The following CACNA2D3 variants were observed in gnomAD, a reference collection of about 807,000 sequenced individuals.
CACNA2D3 encodes voltage-dependent calcium channel subunit alpha-2/delta-3.
Under a neutral mutation model 160.6 loss-of-function variants are expected in CACNA2D3, and 60 were observed. The ratio of observed to expected loss-of-function variants is 0.37; its 90% CI spans 0.30 to 0.46. CACNA2D3 has a LOEUF of 0.46. CACNA2D3 is among the 20% of genes least tolerant of loss of function. The pLI, the probability that CACNA2D3 is intolerant of heterozygous loss-of-function variation, is 1.00. For missense variants in CACNA2D3, 1,205 were observed against 1,365.0 expected, an observed-to-expected ratio of 0.88 and a Z score of 1.85; for synonymous variants, 558 against 492.9, an observed-to-expected ratio of 1.13 and a Z score of -1.75.
chr3:54,430,472 A>C lies in CACNA2D3; in HGVS notation c.381+43698A>C, dbSNP rs542175516. On this transcript the variant is annotated intron_variant, in intron 4 of 37. Transcript: ENST00000474759. ...TTGTGATTTATAACTCTTTGTCTCC[A>C]GAACTGACAGTTGGAATTTATACCA... 1.1e-4 allele frequency among the ~76,000 whole-genome samples: 16 copies of C among 152,318 alleles called. No homozygotes were observed. In the South Asian group the frequency reaches 3.1e-3, roughly 30 times the overall value.
At chr3:54,276,836 G>A (rs1702752999) in intron 2 of CACNA2D3, among the ~76,000 whole-genome samples, 1 of 152,156 alleles carries the variant, frequency 6.6e-6, no homozygotes, top group African/African-American at 2.4e-5. Flanking sequence ...CCATCTCTAG[G>A]CTAGAGCTAC....
intron 2 of CACNA2D3, among the ~76,000 whole-genome samples, chr3:54,303,760 G>A (rs1176373677): frequency 6.6e-6 from 1 of 151,160 alleles, no homozygotes; most frequent in Non-Finnish European, 1.5e-5. Flanking sequence ...TATCTTGATC[G>A]ATTAGAAGAT....
Position 54,872,811 on chromosome 3 carries a change from C to T in CACNA2D3, c.1710+1189C>T, listed in dbSNP as rs150304234. ...CATTTGATAAAAGCTCCTTCCTCCT[C>T]CATACCCTTTTCCCCGCAAGCCAAT... On this transcript the variant is annotated intron_variant, in intron 18 of 37. Transcript: ENST00000474759. 4.9e-3 allele frequency among the ~76,000 whole-genome samples: 748 copies of T among 152,332 alleles called. 6 individuals carry two copies. The highest frequency in any genetic ancestry group is 0.017 in the African/African-American group (716 of 41,584).
At chr3:54,777,955 T>TGACAATTCTAAATGAATCTAA (rs1702455131) in intron 13 of CACNA2D3, among the ~76,000 whole-genome samples, 1 of 152,232 alleles carries the variant, frequency 6.6e-6, no homozygotes, top group Non-Finnish European at 1.5e-5. Context: ...ACTAATAAGT[T>TGACAATTCTAAATGAATCTAA]AGAGAATCTA....
intron 2 of CACNA2D3, among the ~76,000 whole-genome samples, chr3:54,137,764 C>CT (rs1699844928): frequency 6.7e-6 from 1 of 149,442 alleles, no homozygotes; most frequent in African/African-American, 2.4e-5. Context: ...CTGTTGTACT[C>CT]TATTCTACAC....
chr3:55,039,098 C>T (rs1703900596), intron 35 of CACNA2D3, among the ~76,000 whole-genome samples: 1 of 151,496 alleles, frequency 6.6e-6, no homozygotes, highest in South Asian at 2.1e-4. Context: ...TGTTGGCTAC[C>T]CTGAAAGATC....
chr3:54,850,509 T>G (rs976542728), intron 17 of CACNA2D3, among the ~76,000 whole-genome samples: 1 of 152,346 alleles, frequency 6.6e-6, no homozygotes. Context: ...TTAGGAATTT[T>G]TCTTAGAATG....
chr3:54,789,823 C>G (rs750168010), intron 13 of CACNA2D3: 2 of 514,312 alleles, frequency 3.9e-6, no homozygotes, highest in Non-Finnish European at 3.9e-6. Flanking sequence ...AAAGTGAGCC[C>G]GAGCTTAAAA....
chr3:54,303,384 T>G (rs889793713), intron 2 of CACNA2D3, among the ~76,000 whole-genome samples: 11 of 152,240 alleles, frequency 7.2e-5, no homozygotes, highest in African/African-American at 2.7e-4. Flanking sequence ...AATTTCCTGA[T>G]GGAAATTGTT....
chr3:54,431,878 G>A (rs1228889980), intron 4 of CACNA2D3, among the ~76,000 whole-genome samples: 1 of 152,176 alleles, frequency 6.6e-6, no homozygotes, highest in Non-Finnish European at 1.5e-5. Context: ...AAAGTGCCGG[G>A]ATTACAGGCA....
chr3:54,848,978 C>T (rs544859518), intron 17 of CACNA2D3, among the ~76,000 whole-genome samples: 2 of 152,288 alleles, frequency 1.3e-5, no homozygotes, highest in South Asian at 4.1e-4. Flanking sequence ...ATTGTTCTGT[C>T]CTCAGCTTCC....
chr3:54,184,747 C>A (rs1700850108), intron 2 of CACNA2D3, among the ~76,000 whole-genome samples: 1 of 152,104 alleles, frequency 6.6e-6, no homozygotes, highest in Non-Finnish European at 1.5e-5. Context: ...TTTGTTTTTT[C>A]TTTGATTCAG....
intron 35 of CACNA2D3, among the ~76,000 whole-genome samples, chr3:55,046,560 C>G (rs1382608250): frequency 5.4e-5 from 2 of 37,236 alleles, no homozygotes; most frequent in African/African-American, 2.9e-4. Context: ...AATAAACATA[C>G]GTGTGCATGT....
chr3:54,465,463 G>A (rs1268434602), intron 4 of CACNA2D3, among the ~76,000 whole-genome samples: 1 of 152,160 alleles, frequency 6.6e-6, no homozygotes, highest in Non-Finnish European at 1.5e-5. Context: ...GTACGTAGGT[G>A]TAGGAAAAAA....
chr3:54,968,311 T>G, intron 27 of CACNA2D3, 139 bp from the exon 28 acceptor site: 2 of 618,948 alleles, frequency 3.2e-6, no homozygotes, highest in Middle Eastern at 4.4e-4. Context: ...ATAAAATGTT[T>G]TAGTTGTATG....
intron 27 of CACNA2D3, among the ~76,000 whole-genome samples, chr3:54,922,440 C>T (rs1422926657): frequency 6.6e-6 from 1 of 151,860 alleles, no homozygotes; most frequent in Non-Finnish European, 1.5e-5. Flanking sequence ...TACCTGTAGA[C>T]GTAAACAATT....
At chr3:54,895,805 C>T (rs1025833024) in intron 25 of CACNA2D3, among the ~76,000 whole-genome samples, 1 of 152,202 alleles carries the variant, frequency 6.6e-6, no homozygotes, top group African/African-American at 2.4e-5. Flanking sequence ...GCTTCAGGTG[C>T]TGGACAGCAC....
chr3:54,524,321 C>T (rs1701691988), intron 5 of CACNA2D3, among the ~76,000 whole-genome samples: 1 of 152,022 alleles, frequency 6.6e-6, no homozygotes, highest in African/African-American at 2.4e-5. Flanking sequence ...AAATTTCTTC[C>T]TATTATTGAG....
chr3:54,678,010 T>C (rs907853037), intron 11 of CACNA2D3, among the ~76,000 whole-genome samples: 4 of 152,100 alleles, frequency 2.6e-5, no homozygotes, highest in Non-Finnish European at 5.9e-5. Flanking sequence ...TGTCGATTAT[T>C]TTAAAAAGGC....
Sources: gnomAD v4.1 joint callset for allele counts (sites outside exome capture counted in the v4.1 genomes callset) on GRCh38, gnomAD v4.1.1 for gene constraint, MANE v1.5 for transcripts, NCBI Gene and HGNC (gene_info 2026-07-23, HGNC 2026-07-21) for gene names.